MYO5C: variants seen among roughly 807,000 people sequenced by gnomAD.
The protein encoded by MYO5C is myosin VC.
Under a neutral mutation model 235.7 loss-of-function variants are expected in MYO5C, and 194 were observed. That is an observed-to-expected ratio of 0.82 (90% CI 0.73 to 0.93). MYO5C has a LOEUF of 0.93. Ranked by LOEUF, MYO5C falls within the 40% of genes least tolerant of loss-of-function variation. The pLI is 0.00. For synonymous variants in MYO5C, 707 were observed against 754.8 expected (o/e 0.94, Z 1.04); for missense variants, 2,038 against 2,127.2 (o/e 0.96, Z 0.82).
chr15:52,195,783 ATG>A (rs1201006366), intron 39 of MYO5C, among the ~76,000 whole-genome samples: 2 of 151,588 alleles, frequency 1.3e-5, no homozygotes. Context: ...ATTTGTGTAT[ATG>A]TGTGTGTGTG....
At chr15:52,266,495 A>C (rs2036814463) in intron 8 of MYO5C, among the ~76,000 whole-genome samples, 1 of 152,202 alleles carries the variant, frequency 6.6e-6, no homozygotes, top group Non-Finnish European at 1.5e-5. Context: ...GAGGGATCTC[A>C]GCAGCAGAAA....
chr15:52,275,818 T>C lies in MYO5C; in HGVS notation c.450-100A>G, dbSNP rs191640397. ...TGGACAAGACAAAAGAGGGAAACTGTTTTGTCACTCTACTATTTTTAAATC... is the reference window on the plus strand; with the variant it reads ...TGGACAAGACAAAAGAGGGAAACTGCTTTGTCACTCTACTATTTTTAAATC... On this transcript the variant is annotated intron_variant, in intron 4 of 40. Coordinates refer to ENST00000261839, the MANE Select transcript of MYO5C (RefSeq NM_018728.4). 44 of 1,153,880 alleles carry C rather than the reference T, an allele frequency of 3.8e-5. No homozygotes were observed. The African/African-American group carries it at 6.3e-4, about 17-fold the overall frequency. The allele number at this position is 1,153,880 out of a possible 1,614,324, so 71.5% of individuals were successfully genotyped here.
chr15:52,249,743 G>A (rs1046644521), intron 13 of MYO5C, among the ~76,000 whole-genome samples: 7 of 152,210 alleles, frequency 4.6e-5, no homozygotes, highest in Admixed American at 3.3e-4. Context: ...TCCTGGTCTG[G>A]GCGAGCATCT....
intron 12 of MYO5C, among the ~76,000 whole-genome samples, chr15:52,252,994 T>C (rs1414640601): frequency 6.6e-6 from 1 of 152,218 alleles, no homozygotes; most frequent in Non-Finnish European, 1.5e-5. Context: ...GAAAACTCAA[T>C]TCTTATTAGT....
chr15:52,279,661 G>A lies in MYO5C; in HGVS notation c.152C>T (p.Ser51Phe). ...LLEDGTELDY[S>F]VNPESLPPLR... The stretch of plus-strand genomic sequence containing the variant: ...TGGAGGCAGAGATTCTGGATTGACA[G>A]AATAATCCAGCTCCTATGGACAAAG... The change falls in exon 3 of 41, where the codon TCT becomes TTT. Residue 51 changes from serine (S) to phenylalanine (F), a missense_variant. Ser to Phe is a radical substitution (Grantham distance 155). Coordinates refer to ENST00000261839, the MANE Select transcript of MYO5C (RefSeq NM_018728.4). 6.2e-7 allele frequency: 1 copy of A among 1,612,484 alleles called. No individual in the cohort carries two copies. Among genetic ancestry groups the A allele is most frequent in the Non-Finnish European group, 8.5e-7 (1 of 1,178,536 alleles).
chr15:52,295,257 C>T (rs1285751724), intron 1 of MYO5C, among the ~76,000 whole-genome samples: 4 of 152,220 alleles, frequency 2.6e-5, no homozygotes, highest in African/African-American at 9.6e-5. Flanking sequence ...TGGGGACGCA[C>T]GCGCGACCCC....
rs752507849 is a variant in MYO5C at position 52,244,397 on chromosome 15, G to T, written c.2349C>A (p.Ala783=). The T allele has an allele frequency of 1.2e-6, 2 of 1,613,846 alleles. No homozygotes were observed. Among genetic ancestry groups the T allele is most frequent in the South Asian group, 2.2e-5 (2 of 91,052 alleles). The stretch of plus-strand genomic sequence containing the variant: ...CCCGGAAGTACTGCTGGATTATCAG[G>T]GCGGCTCGTCTCTCTCGGAGGAATT... The part of the protein sequence containing the change: ...RKKFLRERRA[A]LIIQQYFRGQ... The change falls in exon 19 of 41, where the codon GCC becomes GCA. Residue 783 remains alanine, a synonymous_variant. Coordinates refer to ENST00000261839, the MANE Select transcript of MYO5C (RefSeq NM_018728.4).
At chr15:52,227,656 AGACT>A (rs2035860111) in intron 25 of MYO5C, among the ~76,000 whole-genome samples, 1 of 152,208 alleles carries the variant, frequency 6.6e-6, no homozygotes, top group Non-Finnish European at 1.5e-5. Context: ...GGACTCCCAC[AGACT>A]GACTGACATC....
chr15:52,247,129 T>G, intron 15 of MYO5C, 115 bp from the exon 16 acceptor site: 1 of 830,642 alleles, frequency 1.2e-6, no homozygotes, highest in East Asian at 2.5e-5. Context: ...GTTAACCTCA[T>G]GCATAAACAC....
At chr15:52,243,800 G>A (rs982802625) in intron 19 of MYO5C, among the ~76,000 whole-genome samples, 2 of 152,156 alleles carry the variant, frequency 1.3e-5, no homozygotes, top group South Asian at 2.1e-4. Context: ...AGGACCCCTC[G>A]AGGCAGGTAG....
intron 1 of MYO5C, among the ~76,000 whole-genome samples, chr15:52,286,231 GC>G (rs1236453759): frequency 6.6e-6 from 1 of 150,840 alleles, no homozygotes; most frequent in Non-Finnish European, 1.5e-5. Flanking sequence ...TGGGGGGTCA[GC>G]CCCCGCCAGG....
At chr15:52,275,817 G>T in intron 4 of MYO5C, 99 bp from the exon 5 acceptor site, 1 of 1,140,146 alleles carries the variant, frequency 8.8e-7, no homozygotes, top group Non-Finnish European at 1.3e-6. Flanking sequence ...GAGGGAAACT[G>T]TTTTGTCACT....
At chr15:52,221,005 C>G (rs1347471476) in intron 30 of MYO5C, among the ~76,000 whole-genome samples, 157 bp downstream of exon 30, 1 of 152,050 alleles carries the variant, frequency 6.6e-6, no homozygotes, top group African/African-American at 2.4e-5. Context: ...TACATACCTT[C>G]CCATATCTTT....
At chr15:52,246,831 T>G (rs2036357970) in intron 16 of MYO5C, 86 bp downstream of exon 16, 2 of 1,095,586 alleles carry the variant, frequency 1.8e-6, no homozygotes, top group Non-Finnish European at 2.7e-6. Flanking sequence ...CAGGGTAATC[T>G]CAAGACAATT....
intron 12 of MYO5C, among the ~76,000 whole-genome samples, chr15:52,251,945 C>CAAGA (rs2036482014): frequency 6.6e-6 from 1 of 152,168 alleles, no homozygotes; most frequent in South Asian, 2.1e-4. Flanking sequence ...GGGTTACAGG[C>CAAGA]AAGAGCCACT....
At chr15:52,274,149 T>C (rs1403403786) in intron 5 of MYO5C, among the ~76,000 whole-genome samples, 2 of 152,204 alleles carry the variant, frequency 1.3e-5, no homozygotes, top group Admixed American at 6.5e-5. Context: ...CTATGTGCCA[T>C]GCGCTCGGTA....
chr15:52,213,364 C>T lies in MYO5C; in HGVS notation c.4043-78G>A, dbSNP rs1219155022. On this transcript the variant is annotated intron_variant, in intron 33 of 40. Transcript: ENST00000261839. ...TCTCACAATGTGACTACTCTCCTACCCCATTCTGGCTGGTTTGCACGTAAA... is the reference window on the plus strand; with the variant it reads ...TCTCACAATGTGACTACTCTCCTACTCCATTCTGGCTGGTTTGCACGTAAA... 36 of 1,020,428 alleles carry T rather than the reference C, an allele frequency of 3.5e-5. No individual in the cohort carries two copies. The East Asian group carries it at 6.3e-4, about 18-fold the overall frequency. 63.2% of individuals were successfully genotyped at this position (1,020,428 alleles called of 1,614,324 possible).
rs368128553 is a variant in MYO5C at position 52,260,853 on chromosome 15, G to C, written c.1313+9C>G. 1 of 1,613,556 alleles carries C rather than the reference G, an allele frequency of 6.2e-7. No homozygotes were observed. Among genetic ancestry groups the C allele is most frequent in the Non-Finnish European group, 8.5e-7 (1 of 1,179,578 alleles). On this transcript the variant is annotated intron_variant, in intron 10 of 40. Coordinates refer to ENST00000261839, the MANE Select transcript of MYO5C (RefSeq NM_018728.4). ...GGAGGAAAGACAGGCTCACTGAAGA[G>C]AATCTTACCCATAAATGTCCAAAAC...
intron 1 of MYO5C, among the ~76,000 whole-genome samples, chr15:52,291,174 T>C (rs2037380498): frequency 6.6e-6 from 1 of 152,172 alleles, no homozygotes; most frequent in Non-Finnish European, 1.5e-5. Flanking sequence ...CACAAGAAGT[T>C]GCACCGTACT....
Sources: gnomAD v4.1 joint callset for allele counts (sites outside exome capture counted in the v4.1 genomes callset) on GRCh38, gnomAD v4.1.1 for gene constraint, MANE v1.5 for transcripts, NCBI Gene and HGNC (gene_info 2026-07-23, HGNC 2026-07-21) for gene names.